MROH9: variants seen among roughly 807,000 people sequenced by gnomAD.
The protein encoded by MROH9 is maestro heat like repeat family member 9, also known as maestro heat-like repeat-containing protein family member 9.
MROH9 carries 92 observed loss-of-function variants against 98.2 expected under a neutral mutation model. The ratio of observed to expected loss-of-function variants is 0.94; its 90% CI spans 0.79 to 1.11. The LOEUF is 1.11. Ranked by LOEUF, MROH9 falls within the 50% of genes most tolerant of loss-of-function variation. The probability of loss-of-function intolerance (pLI) is 0.00; values close to 1 mark genes in which losing one functional copy is unlikely to be tolerated. For synonymous variants in MROH9, 397 were observed against 368.9 expected (o/e 1.08, Z -0.87); for missense variants, 1,057 against 1,014.8 (o/e 1.04, Z -0.57).
chr1:171,027,571 G>C (rs1652761369), intron 20 of MROH9, among the ~76,000 whole-genome samples: 1 of 152,146 alleles, frequency 6.6e-6, no homozygotes, highest in South Asian at 2.1e-4. Flanking sequence ...TATATACATA[G>C]TAAAGGGATT....
At chr1:170,996,077 C>G (rs1651555333) in intron 13 of MROH9, among the ~76,000 whole-genome samples, 1 of 152,094 alleles carries the variant, frequency 6.6e-6, no homozygotes, top group Non-Finnish European at 1.5e-5. Context: ...TTTTGCTACC[C>G]TGCAGGGAAA....
chr1:171,044,779 C>T (rs1461732567), intron 20 of MROH9, among the ~76,000 whole-genome samples: 1 of 151,630 alleles, frequency 6.6e-6, no homozygotes, highest in Non-Finnish European at 1.5e-5. Flanking sequence ...ACTAATGATC[C>T]TTTGAAATTC....
Position 171,063,962 on chromosome 1 carries a change from C to T in MROH9, c.2345-137C>T, listed in dbSNP as rs1248991743. 3 of 864,578 alleles carry T rather than the reference C, an allele frequency of 3.5e-6. No homozygotes were observed. The East Asian group carries it at 8.3e-5, about 24-fold the overall frequency. The allele number at this position is 864,578 out of a possible 1,614,324, so 53.6% of individuals were successfully genotyped here. A position where few individuals can be genotyped will look rare whatever the true frequency, so the allele number is the denominator to read the frequency against. The stretch of plus-strand genomic sequence containing the variant: ...TCCTGAATGCTATCAGCCAAAGTTA[C>T]AAAATGCAGAGGGAATGCAGAGGAG... On this transcript the variant is annotated intron_variant, in intron 21 of 21. Transcript: ENST00000367759.
chr1:170,954,478 T>G (rs1649683224), intron 3 of MROH9, among the ~76,000 whole-genome samples: 1 of 152,158 alleles, frequency 6.6e-6, no homozygotes, highest in South Asian at 2.1e-4. Context: ...AAGATGTCTC[T>G]TTGATATCCT....
intron 20 of MROH9, among the ~76,000 whole-genome samples, chr1:171,034,961 C>A (rs539017070): frequency 6.6e-6 from 1 of 152,176 alleles, no homozygotes; most frequent in Admixed American, 6.5e-5. Flanking sequence ...GGCTGCCTAA[C>A]GAAAGGTGCA....
intron 20 of MROH9, among the ~76,000 whole-genome samples, chr1:171,046,172 C>G (rs1230443121): frequency 6.6e-6 from 1 of 151,946 alleles, no homozygotes; most frequent in Non-Finnish European, 1.5e-5. Context: ...TTTATTTTCA[C>G]TCTATGTGTG....
At chr1:170,955,937 T>C (rs563762820) in intron 3 of MROH9, among the ~76,000 whole-genome samples, 1 of 152,372 alleles carries the variant, frequency 6.6e-6, no homozygotes, top group South Asian at 2.1e-4. Context: ...TCTAGAATTT[T>C]TATAGTTTCA....
chr1:171,021,993 GA>G lies in MROH9; in HGVS notation c.1909-2395del, dbSNP rs542554676. Among the ~76,000 whole-genome samples, 78 of 151,636 alleles carry G rather than the reference GA, an allele frequency of 5.1e-4. 1 individual carries two copies. In the South Asian group the frequency reaches 0.012, roughly 24 times the overall value. On this transcript the variant is annotated intron_variant, in intron 17 of 21. Coordinates refer to ENST00000367759, the MANE Select transcript of MROH9 (RefSeq NM_001163629.2). Reference sequence around the variant, plus strand: ...ACATTTACATGGCCAACAAACATATGAAAAAAAGTTCAACATCACTGATTAG... The same window carrying G: ...ACATTTACATGGCCAACAAACATATGAAAAAAGTTCAACATCACTGATTAG...
chr1:171,021,972 T>G (rs1435467038), intron 17 of MROH9, among the ~76,000 whole-genome samples: 1 of 151,320 alleles, frequency 6.6e-6, no homozygotes, highest in Non-Finnish European at 1.5e-5. Context: ...AAGAAAACAT[T>G]TACATGGCCA....
chr1:171,048,394 C>A (rs74123667), intron 20 of MROH9, among the ~76,000 whole-genome samples: 1 of 152,234 alleles, frequency 6.6e-6, no homozygotes, highest in African/African-American at 2.4e-5. Context: ...CTCCCCTCTC[C>A]AAAGGCAGAG....
chr1:170,948,318 T>G (rs17620916), intron 3 of MROH9, among the ~76,000 whole-genome samples: 1 of 151,986 alleles, frequency 6.6e-6, no homozygotes, highest in Non-Finnish European at 1.5e-5. Flanking sequence ...CTTTTATAGA[T>G]TTTGTTCATA....
chr1:171,060,692 A>G (rs1334495251), intron 20 of MROH9, among the ~76,000 whole-genome samples: 1 of 152,216 alleles, frequency 6.6e-6, no homozygotes, highest in Non-Finnish European at 1.5e-5. Flanking sequence ...ATACAGGTAT[A>G]TAAAAATATC....
intron 17 of MROH9, among the ~76,000 whole-genome samples, chr1:171,016,803 A>G (rs1652342181): frequency 6.6e-6 from 1 of 152,222 alleles, no homozygotes. Context: ...TGTTATTATC[A>G]TATAAAACTT....
intron 3 of MROH9, among the ~76,000 whole-genome samples, chr1:170,957,795 G>GTTTTTTTTTTTT: frequency 8.0e-6 from 1 of 124,646 alleles, no homozygotes; most frequent in Non-Finnish European, 1.9e-5. Context: ...GCATTTTTTT[G>GTTTTTTTTTTTT]TTTTTTTTTT....
At chr1:170,971,934 G>A (rs143258201) in intron 8 of MROH9, 51 bp downstream of exon 8, 45 of 1,588,668 alleles carry the variant, frequency 2.8e-5, no homozygotes, top group South Asian at 1.8e-4. Context: ...TATGTCCCTC[G>A]TTATTCAACT....
intron 9 of MROH9, among the ~76,000 whole-genome samples, chr1:170,984,878 T>C (rs891187172): frequency 6.6e-6 from 1 of 152,060 alleles, no homozygotes; most frequent in African/African-American, 2.4e-5. Context: ...ATTGAGAGAA[T>C]ACAAGATTGT....
At chr1:170,986,220 C>T (rs889670383) in intron 9 of MROH9, among the ~76,000 whole-genome samples, 1 of 152,160 alleles carries the variant, frequency 6.6e-6, no homozygotes, top group Admixed American at 6.6e-5. Context: ...TCCCCTCCTG[C>T]ATCTTCTGCT....
intron 1 of MROH9, among the ~76,000 whole-genome samples, chr1:170,938,128 A>G (rs1359787705): frequency 6.6e-6 from 1 of 152,076 alleles, no homozygotes; most frequent in Non-Finnish European, 1.5e-5. Context: ...AACCAGCACC[A>G]TAACTCCCTT....
intron 7 of MROH9, among the ~76,000 whole-genome samples, chr1:170,965,892 T>C (rs139602104): frequency 8.6e-4 from 131 of 152,284 alleles, no homozygotes; most frequent in African/African-American, 3.1e-3. Flanking sequence ...ATACATCCTA[T>C]AGACATTTTC....
Sources: gnomAD v4.1 joint callset for allele counts (sites outside exome capture counted in the v4.1 genomes callset) on GRCh38, gnomAD v4.1.1 for gene constraint, MANE v1.5 for transcripts, NCBI Gene and HGNC (gene_info 2026-07-23, HGNC 2026-07-21) for gene names.